The following DLG2 variants were observed in gnomAD, a reference collection of about 807,000 sequenced individuals.
DLG2 encodes disks large homolog 2.
Under a neutral mutation model 132.5 loss-of-function variants are expected in DLG2, and 45 were observed. The observed-to-expected ratio is 0.34, with a 90% CI of 0.27 to 0.44. The LOEUF is 0.44. Ranked by LOEUF, DLG2 falls within the 20% of genes least tolerant of loss-of-function variation. The pLI, the probability that DLG2 is intolerant of heterozygous loss-of-function variation, is 1.00. For missense variants in DLG2, 1,045 were observed against 1,196.9 expected (o/e 0.87, Z 1.87); for synonymous variants, 424 against 419.6 (o/e 1.01, Z -0.13).
At chr11:84,067,490 G>T (rs2096694776) in intron 10 of DLG2, among the ~76,000 whole-genome samples, 1 of 151,842 alleles carries the variant, frequency 6.6e-6, no homozygotes, top group Non-Finnish European at 1.5e-5. Flanking sequence ...ACAAATAATA[G>T]AAGCCAAAAC....
intron 18 of DLG2, among the ~76,000 whole-genome samples, chr11:83,718,409 A>G (rs2087325656): frequency 6.6e-6 from 1 of 152,080 alleles, no homozygotes; most frequent in Non-Finnish European, 1.5e-5. Flanking sequence ...ATGATGGTCC[A>G]GCTACTCAGG....
Position 83,600,132 on chromosome 11 carries a change from C to T in DLG2, c.1940+33079G>A, listed in dbSNP as rs117629285. On this transcript the variant is annotated intron_variant, in intron 19 of 27. Transcript: ENST00000376104. ...AAGGCATTTAAGAGGCTCATGTATA[C>T]GTCTATGCCAGTTAAAATAAGCTCA... Among the ~76,000 whole-genome samples the T allele has an allele frequency of 8.1e-3, 1,225 of 152,074 alleles. 6 individuals are homozygous for T. Among genetic ancestry groups the T allele is most frequent in the Middle Eastern group, 0.031 (9 of 294 alleles).
At chr11:84,731,388 G>C (rs1320886851) in intron 6 of DLG2, among the ~76,000 whole-genome samples, 1 of 152,022 alleles carries the variant, frequency 6.6e-6, no homozygotes, top group African/African-American at 2.4e-5. Flanking sequence ...GGCAGATGGG[G>C]ATAAGTGCTT....
chr11:85,386,750 A>G (rs2086363193), intron 3 of DLG2, among the ~76,000 whole-genome samples: 1 of 151,680 alleles, frequency 6.6e-6, no homozygotes, highest in Non-Finnish European at 1.5e-5. Flanking sequence ...TGCCTACCAC[A>G]GAGAAGATGT....
Position 83,877,959 on chromosome 11 carries a change from T to C in DLG2, c.1497-3471A>G, listed in dbSNP as rs1004361884. On this transcript the variant is annotated intron_variant, in intron 15 of 27. Transcript: ENST00000376104. Reference sequence around the variant, plus strand: ...TCCACATTATTGGCTACATAAACAATGTGGTGTAGAGTTACCATCGCTAAG... The same window carrying C: ...TCCACATTATTGGCTACATAAACAACGTGGTGTAGAGTTACCATCGCTAAG... 2.6e-5 allele frequency among the ~76,000 whole-genome samples: 4 copies of C among 152,176 alleles called. No homozygotes were observed. In the East Asian group the frequency reaches 5.8e-4, roughly 22 times the overall value.
At chr11:84,777,666 C>T (rs761044307) in intron 6 of DLG2, among the ~76,000 whole-genome samples, 1 of 151,874 alleles carries the variant, frequency 6.6e-6, no homozygotes, top group Non-Finnish European at 1.5e-5. Context: ...GCCATTCTGA[C>T]TGGGGTAAGA....
rs117602166 is a variant in DLG2 at position 84,920,447 on chromosome 11, T to C, written c.357+191214A>G. Among the ~76,000 whole-genome samples the C allele has an allele frequency of 7.3e-3, 1,104 of 152,246 alleles. 5 individuals are homozygous for C. Among genetic ancestry groups the C allele is most frequent in the Non-Finnish European group, 9.4e-3 (637 of 67,998 alleles). ...CAGGTAAAATTAGCCTGTGATTTTG[T>C]TTGTTTGTTTTGTTTGCTTGTTTCT... On this transcript the variant is annotated intron_variant, in intron 6 of 27. Transcript: ENST00000376104.
chr11:84,075,471 T>C (rs1460506901), intron 10 of DLG2, among the ~76,000 whole-genome samples: 1 of 152,194 alleles, frequency 6.6e-6, no homozygotes, highest in East Asian at 1.9e-4. Flanking sequence ...AGTGAATGAA[T>C]AATAGTTCTT....
intron 6 of DLG2, among the ~76,000 whole-genome samples, chr11:84,604,471 G>A (rs908029285): frequency 8.6e-5 from 13 of 151,896 alleles, no homozygotes; most frequent in Admixed American, 4.6e-4. Context: ...TAAACTTTAT[G>A]TTAAAGGCAA....
At chr11:84,225,170 C>G (rs77337556) in intron 8 of DLG2, among the ~76,000 whole-genome samples, 2,164 of 152,300 alleles carry the variant, frequency 0.014, 49 homozygotes, top group African/African-American at 0.049. Context: ...CAGCTAAGGT[C>G]TGGCACACAG....
chr11:85,265,417 A>T (rs7926681), intron 4 of DLG2, among the ~76,000 whole-genome samples: 4,343 of 152,302 alleles, frequency 0.029, 195 homozygotes, highest in African/African-American at 0.097. Flanking sequence ...AACCACATTG[A>T]AGTAAATAGG....
chr11:84,145,653 G>A (rs1349631953), intron 9 of DLG2, among the ~76,000 whole-genome samples: 1 of 152,158 alleles, frequency 6.6e-6, no homozygotes, highest in African/African-American at 2.4e-5. Flanking sequence ...ATATTGGTCA[G>A]TTTAGATGAT....
chr11:84,100,532 G>A (rs186562322), intron 9 of DLG2, among the ~76,000 whole-genome samples: 57 of 151,428 alleles, frequency 3.8e-4, no homozygotes, highest in Non-Finnish European at 5.2e-4. Context: ...GTATAGCTAG[G>A]CAGTCTTTAT....
intron 7 of DLG2, among the ~76,000 whole-genome samples, chr11:84,506,137 G>C: frequency 7.1e-6 from 1 of 140,890 alleles, no homozygotes; most frequent in East Asian, 2.0e-4. Flanking sequence ...GTGCAGTGGC[G>C]GGATCTCGGC....
chr11:83,762,746 A>C (rs2093964821), intron 18 of DLG2, among the ~76,000 whole-genome samples: 2 of 151,946 alleles, frequency 1.3e-5, no homozygotes, highest in African/African-American at 4.8e-5. Flanking sequence ...ACGCCTGGCT[A>C]ATTTTTTTGT....
chr11:84,742,844 C>A (rs1042993239), intron 6 of DLG2, among the ~76,000 whole-genome samples: 1 of 152,118 alleles, frequency 6.6e-6, no homozygotes, highest in Admixed American at 6.6e-5. Flanking sequence ...ACCCACTGAA[C>A]TTTTTACTGT....
At chr11:83,916,768 C>T (rs1304369396) in intron 15 of DLG2, among the ~76,000 whole-genome samples, 6 of 152,070 alleles carry the variant, frequency 3.9e-5, no homozygotes, top group Non-Finnish European at 8.8e-5. Flanking sequence ...TCCTTCCTTC[C>T]GGTCTTGCTC....
intron 2 of DLG2, among the ~76,000 whole-genome samples, chr11:85,602,296 C>T (rs2080217251): frequency 6.6e-6 from 1 of 152,228 alleles, no homozygotes; most frequent in Non-Finnish European, 1.5e-5. Flanking sequence ...TGCCACCACC[C>T]TGGCACAACC....
chr11:84,062,615 G>A (rs2096608468), intron 10 of DLG2, among the ~76,000 whole-genome samples: 1 of 152,118 alleles, frequency 6.6e-6, no homozygotes, highest in Non-Finnish European at 1.5e-5. Context: ...AAAGACAGTG[G>A]AATTTTACTG....
Sources: allele counts gnomAD v4.1 joint callset (sites outside exome capture counted in the v4.1 genomes callset), GRCh38; gene constraint gnomAD v4.1.1; transcripts MANE v1.5; gene names NCBI Gene and HGNC (gene_info 2026-07-23, HGNC 2026-07-21).